Variants in MYH14 observed in about 807,000 individuals in gnomAD.
MYH14 encodes myosin heavy chain 14.
MYH14 carries 123 observed loss-of-function variants against 255.5 expected under a neutral mutation model. The ratio of observed to expected loss-of-function variants is 0.48; its 90% CI spans 0.42 to 0.56. The LOEUF (loss-of-function observed/expected upper bound fraction) is 0.56. MYH14 is among the 20% of genes least tolerant of loss of function. MYH14 has a pLI of 0.00. For missense variants in MYH14, 2,423 were observed against 2,802.3 expected (o/e 0.86, Z 3.06); for synonymous variants, 1,095 against 1,161.2 (o/e 0.94, Z 1.16).
At chr19:50,278,347 C>T in intron 30 of MYH14, 58 bp downstream of exon 30, 1 of 1,257,096 alleles carries the variant, frequency 8.0e-7, no homozygotes, top group African/African-American at 1.5e-5. Flanking sequence ...ACATGCCTGC[C>T]CTCTCTGGGC....
intron 10 of MYH14, among the ~76,000 whole-genome samples, chr19:50,236,597 A>C (rs981529002): frequency 1.3e-5 from 2 of 151,616 alleles, no homozygotes; most frequent in African/African-American, 4.8e-5. Context: ...AATCCCAGCT[A>C]CTCGGGAGGT....
At chr19:50,297,967 T>C (rs1413156407) in intron 39 of MYH14, among the ~76,000 whole-genome samples, 1 of 152,016 alleles carries the variant, frequency 6.6e-6, no homozygotes, top group African/African-American at 2.4e-5. Flanking sequence ...ATTCACCCCA[T>C]GGGTGCATGG....
At chr19:50,294,462 T>G in intron 39 of MYH14, among the ~76,000 whole-genome samples, 2 of 145,330 alleles carry the variant, frequency 1.4e-5, no homozygotes, top group Non-Finnish European at 1.5e-5. Flanking sequence ...TGAGGTGGAG[T>G]CTCCCTCTGT....
At chr19:50,231,167 C>T (rs1018717179) in intron 9 of MYH14, among the ~76,000 whole-genome samples, 1 of 152,254 alleles carries the variant, frequency 6.6e-6, no homozygotes, top group African/African-American at 2.4e-5. Flanking sequence ...CCCTGTAGCT[C>T]CCTCTGCTCC....
intron 6 of MYH14, 62 bp from the exon 7 acceptor site, chr19:50,225,523 G>A: frequency 7.4e-7 from 1 of 1,347,130 alleles, no homozygotes; most frequent in Non-Finnish European, 1.0e-6. Context: ...GCCCGAGCTG[G>A]GCTGGCCTGG....
At chr19:50,237,457 C>G (rs1359201216) in intron 10 of MYH14, among the ~76,000 whole-genome samples, 1 of 152,146 alleles carries the variant, frequency 6.6e-6, no homozygotes, top group Admixed American at 6.6e-5. Flanking sequence ...TCCTGAGTAG[C>G]TGGGATTACA....
chr19:50,303,140 T>C (rs1308964655), intron 40 of MYH14, among the ~76,000 whole-genome samples: 2 of 152,202 alleles, frequency 1.3e-5, no homozygotes, highest in Admixed American at 1.3e-4. Context: ...TTATGAGTCT[T>C]TGGCTAGTAA....
intron 26 of MYH14, 95 bp from the exon 27 acceptor site, chr19:50,272,465 A>G: frequency 1.5e-6 from 2 of 1,319,872 alleles, no homozygotes; most frequent in African/African-American, 1.5e-5. Context: ...TGCTGAGCTT[A>G]GCCTTATATG....
In MYH14 at chr19:50,273,350, C is replaced by G. The variant is rs1039243887; in HGVS notation, c.3467+619C>G. 2.6e-5 allele frequency among the ~76,000 whole-genome samples: 4 copies of G among 151,696 alleles called. 1 individual carries two copies. Among genetic ancestry groups the G allele is most frequent in the East Asian group, 3.9e-4 (2 of 5,170 alleles). On this transcript the variant is annotated intron_variant, in intron 27 of 42. Transcript: ENST00000642316. ...TCTTCCTCTTCCCTGCTTGGCCTCC[C>G]CACACCAAACAGCCCAGAATCAGCT...
chr19:50,231,671 T>A (rs1353104604), intron 9 of MYH14, among the ~76,000 whole-genome samples: 1 of 151,458 alleles, frequency 6.6e-6, no homozygotes, highest in Non-Finnish European at 1.5e-5. Context: ...CATGATTGCA[T>A]CACTGCACTG....
rs768369689 is a variant in MYH14, at chr19:50,265,349, C to CAA, written c.2695-1515_2695-1514dup. ...CAACAAAGTGAGACCCTCATCTCTA[C>CAA]AAAAAAAAAAAAAACAAAAACAAAA... On this transcript the variant is annotated intron_variant, in intron 22 of 42. Transcript: ENST00000642316. 9.3e-3 allele frequency among the ~76,000 whole-genome samples: 893 copies of CAA among 96,496 alleles called. 9 individuals carry two copies. Among genetic ancestry groups the CAA allele is most frequent in the Middle Eastern group, 0.023 (4 of 176 alleles). The allele number at this position is 96,496 out of a possible 152,430, so 63.3% of individuals were successfully genotyped here.
At chr19:50,294,178 G>A (rs913791220) in intron 39 of MYH14, among the ~76,000 whole-genome samples, 6 of 152,096 alleles carry the variant, frequency 3.9e-5, no homozygotes, top group Admixed American at 2.0e-4. Context: ...CCTCAAACAC[G>A]TCTTAGTCTA....
At chr19:50,204,900 CTT>C (rs78642872) in intron 1 of MYH14, among the ~76,000 whole-genome samples, 3 of 144,806 alleles carry the variant, frequency 2.1e-5, no homozygotes, top group Admixed American at 6.9e-5. Context: ...GTCTCTCCCT[CTT>C]TTTTTTTTTT....
At chr19:50,306,953 A>G in intron 40 of MYH14, 96 bp from the exon 41 acceptor site, 3 of 903,236 alleles carry the variant, frequency 3.3e-6, no homozygotes, top group Non-Finnish European at 5.3e-6. Context: ...GAAGAAGCCA[A>G]TCCAAGAACA....
chr19:50,244,239 C>T lies in MYH14; in HGVS notation c.1115-3C>T, dbSNP rs1353677096. 1 of 1,613,868 alleles carries T rather than the reference C, an allele frequency of 6.2e-7. No individual in the cohort carries two copies. Reference sequence around the variant, plus strand: ...CACGTGACCTCTGTCCTTGCGTCCCCAGCCATGCTGCGGATGGTCTCAGCA... The same window carrying T: ...CACGTGACCTCTGTCCTTGCGTCCCTAGCCATGCTGCGGATGGTCTCAGCA... On this transcript the variant is annotated splice_polypyrimidine_tract_variant and splice_region_variant and intron_variant, in intron 10 of 42. Transcript: ENST00000642316.
In MYH14 at chr19:50,250,922, T is replaced by C. The variant is rs2034346674; in HGVS notation, c.1830+234T>C. On this transcript the variant is annotated intron_variant, in intron 15 of 42. Transcript: ENST00000642316. The surrounding 1 kb of genome is among the most constrained non-coding windows in gnomAD (Gnocchi z 5.4). ...GTTTTGAGGGATGGGTAGGAGTTCA[T>C]CAGGAGGCGATCTATGTGCATTTTA... 6.6e-6 allele frequency among the ~76,000 whole-genome samples: 1 copy of C among 152,100 alleles called. No individual in the cohort carries two copies. Among genetic ancestry groups the C allele is most frequent in the Admixed American group, 6.6e-5 (1 of 15,264 alleles).
At chr19:50,283,205 C>CA (rs2035783057) in intron 33 of MYH14, among the ~76,000 whole-genome samples, 1 of 152,104 alleles carries the variant, frequency 6.6e-6, no homozygotes, top group Non-Finnish European at 1.5e-5. Context: ...CTGCAACCTC[C>CA]ACCTCTCAGG....
At chr19:50,259,406 G>T in intron 19 of MYH14, 141 bp downstream of exon 19, 1 of 1,168,160 alleles carries the variant, frequency 8.6e-7, no homozygotes, top group Non-Finnish European at 1.2e-6. Context: ...TCACTTTGCT[G>T]AGCCTCAGTT....
Position 50,284,092 on chromosome 19 carries a change from C to A in MYH14, c.4539+2250C>A, listed in dbSNP as rs202211487. Among the ~76,000 whole-genome samples the A allele has an allele frequency of 3.8e-3, 551 of 143,666 alleles. 5 individuals carry two copies. The highest frequency in any genetic ancestry group is 0.013 in the African/African-American group (506 of 39,712). The allele number at this position is 143,666 out of a possible 152,430, so 94.3% of individuals were successfully genotyped here. On this transcript the variant is annotated intron_variant, in intron 33 of 42. Coordinates refer to ENST00000642316, the MANE Select transcript of MYH14 (RefSeq NM_001145809.2). Reference sequence around the variant, plus strand: ...TGTCTCAAAAAAACAAAACAAAAAACAAAAAAAAAACAAAAAAAAAGAAAG... The same window carrying A: ...TGTCTCAAAAAAACAAAACAAAAAAAAAAAAAAAAACAAAAAAAAAGAAAG...
Sources: allele counts gnomAD v4.1 joint callset (sites outside exome capture counted in the v4.1 genomes callset), GRCh38; gene constraint gnomAD v4.1.1; non-coding constraint Gnocchi (gnomAD v3.1); transcripts MANE v1.5; gene names NCBI Gene and HGNC (gene_info 2026-07-23, HGNC 2026-07-21).